MSANTD5: variants seen among roughly 807,000 people sequenced by gnomAD.
MSANTD5 encodes Myb/SANT DNA binding domain containing 5, also known as uncharacterized protein MSANTD5.
At chr5:178,693,926 G>A (rs1204141632), downstream of MSANTD5, among the ~76,000 whole-genome samples, 7 of 152,028 alleles carry the variant, frequency 4.6e-5, no homozygotes, top group Admixed American at 2.0e-4. Context: ...TTAACACACA[G>A]TGATTATGCC....
intron 1 of MSANTD5, among the ~76,000 whole-genome samples, 183 bp downstream of exon 1, chr5:178,697,403 G>T (rs1025683822): frequency 9.9e-5 from 15 of 152,138 alleles, no homozygotes; most frequent in African/African-American, 3.4e-4. Flanking sequence ...GCAGTGAGCC[G>T]GGATCGCGCC....
At chr5:178,697,398 G>A (rs1392982087) in intron 1 of MSANTD5, among the ~76,000 whole-genome samples, 188 bp downstream of exon 1, 1 of 152,172 alleles carries the variant, frequency 6.6e-6, no homozygotes, top group Non-Finnish European at 1.5e-5. Flanking sequence ...AGGTTGCAGT[G>A]AGCCGGGATC....
the MSANTD5 span, among the ~76,000 whole-genome samples, chr5:178,705,359 C>T: frequency 6.6e-6 from 1 of 151,982 alleles, no homozygotes; most frequent in South Asian, 2.1e-4. Context: ...GACCTTGCTT[C>T]TCAATGAGAG....
chr5:178,707,382 C>T, the MSANTD5 span, among the ~76,000 whole-genome samples: 99 of 151,944 alleles, frequency 6.5e-4, no homozygotes, highest in South Asian at 0.02. Context: ...AGGACACCTT[C>T]TACAGCCTAC....
upstream of MSANTD5, among the ~76,000 whole-genome samples, chr5:178,702,297 T>A (rs1001812334): frequency 6.7e-6 from 1 of 149,940 alleles, no homozygotes; most frequent in African/African-American, 2.4e-5. Context: ...CTTTCTTTTT[T>A]TTTCTTTTTT....
upstream of MSANTD5, among the ~76,000 whole-genome samples, chr5:178,701,666 C>A (rs1168791490): frequency 1.4e-5 from 2 of 147,036 alleles, no homozygotes; most frequent in Admixed American, 1.4e-4. Context: ...GAGTGAAACT[C>A]CATCTCAAAA....
chr5:178,702,387 G>A (rs149370604), upstream of MSANTD5, among the ~76,000 whole-genome samples: 4 of 143,306 alleles, frequency 2.8e-5, no homozygotes, highest in Non-Finnish European at 6.0e-5. Flanking sequence ...TGCAACCTCC[G>A]CCTCCTGGGT....
downstream of MSANTD5, among the ~76,000 whole-genome samples, chr5:178,692,561 C>T (rs1309101362): frequency 6.6e-6 from 1 of 151,946 alleles, no homozygotes; most frequent in Non-Finnish European, 1.5e-5. Flanking sequence ...GCGAAGGGTT[C>T]AACAGCTTCT....
chr5:178,694,239 C>T (rs1765386561), downstream of MSANTD5, among the ~76,000 whole-genome samples: 1 of 149,590 alleles, frequency 6.7e-6, no homozygotes, highest in Admixed American at 6.7e-5. Context: ...TTGCTTGAAT[C>T]CAGGAGGCAG....
At chr5:178,696,626 A>C (rs1316205513) in intron 1 of MSANTD5, among the ~76,000 whole-genome samples, 1 of 152,164 alleles carries the variant, frequency 6.6e-6, no homozygotes, top group African/African-American at 2.4e-5. Flanking sequence ...AAGGCAGGAA[A>C]CAAGGGTTGG....
At chr5:178,705,875 T>C in the MSANTD5 span, among the ~76,000 whole-genome samples, 1 of 152,040 alleles carries the variant, frequency 6.6e-6, no homozygotes, top group Non-Finnish European at 1.5e-5. Context: ...GGGAAAGGCG[T>C]GAACCCGGGA....
chr5:178,697,084 A>G (rs1765420238), intron 1 of MSANTD5, among the ~76,000 whole-genome samples: 1 of 152,142 alleles, frequency 6.6e-6, no homozygotes, highest in African/African-American at 2.4e-5. Flanking sequence ...TTCCCATACC[A>G]ACTAACAAAG....
upstream of MSANTD5, among the ~76,000 whole-genome samples, chr5:178,698,997 T>G (rs886223038): frequency 1.3e-5 from 2 of 152,096 alleles, no homozygotes; most frequent in Non-Finnish European, 2.9e-5. Flanking sequence ...ACAGACAGAT[T>G]TCAGGCCTCC....
chr5:178,706,452 A>G, the MSANTD5 span, among the ~76,000 whole-genome samples: 1 of 151,996 alleles, frequency 6.6e-6, no homozygotes, highest in Non-Finnish European at 1.5e-5. Context: ...GAGGGGGTGC[A>G]TTCTATAATC....
At chr5:178,702,818 C>T in the MSANTD5 span, among the ~76,000 whole-genome samples, 5 of 152,184 alleles carry the variant, frequency 3.3e-5, no homozygotes, top group East Asian at 1.9e-4. Flanking sequence ...AGGCTGGTCT[C>T]GAACTCCTGA....
At chr5:178,704,670 AT>A in the MSANTD5 span, among the ~76,000 whole-genome samples, 1 of 152,204 alleles carries the variant, frequency 6.6e-6, no homozygotes, top group East Asian at 1.9e-4. Context: ...CAAGTCAGAA[AT>A]TGCGGATGTC....
Position 178,696,090 on chromosome 5 carries a change from A to T in MSANTD5, c.91+7T>A, listed in dbSNP as rs1281101831. 3 of 151,892 alleles carry T rather than the reference A, an allele frequency of 2.0e-5. No individual in the cohort carries two copies. The highest frequency in any genetic ancestry group is 4.8e-5 in the African/African-American group (2 of 41,332). 9.4% of individuals were successfully genotyped at this position (151,892 alleles called of 1,614,324 possible). A position where few individuals can be genotyped will look rare whatever the true frequency, so the allele number is the denominator to read the frequency against. ...CTACTACATGTAAGACTCTGAGGAC[A>T]CTGTACCTGAGGGCTTTTCTGATCC... is the stretch of plus-strand genomic sequence containing the variant. On this transcript the variant is annotated splice_region_variant and intron_variant, in intron 2 of 3. Transcript: ENST00000648368.
At chr5:178,705,881 C>T in the MSANTD5 span, among the ~76,000 whole-genome samples, 3 of 151,770 alleles carry the variant, frequency 2.0e-5, no homozygotes, top group Admixed American at 2.0e-4. Flanking sequence ...GGCGTGAACC[C>T]GGGAGGCAGA....
the MSANTD5 span, among the ~76,000 whole-genome samples, chr5:178,705,162 C>G: frequency 6.6e-6 from 1 of 152,114 alleles, no homozygotes; most frequent in Non-Finnish European, 1.5e-5. Flanking sequence ...AATTCTCCTT[C>G]CTCAGCATCC....
Sources: gnomAD v4.1 joint callset for allele counts (sites outside exome capture counted in the v4.1 genomes callset) on GRCh38, gnomAD v4.1.1 for gene constraint, MANE v1.5 for transcripts, NCBI Gene and HGNC (gene_info 2026-07-23, HGNC 2026-07-21) for gene names.